Variants in GNL3L observed in about 807,000 individuals in gnomAD.
GNL3L encodes the protein G protein nucleolar 3 like.
GNL3L carries 4 observed loss-of-function variants against 42.9 expected under a neutral mutation model. The ratio of observed to expected loss-of-function variants is 0.09; its 90% CI spans 0.05 to 0.21. The LOEUF is 0.21. Among genes scored for constraint, GNL3L ranks in the 10% least tolerant of loss-of-function variants. GNL3L has a pLI of 1.00. For synonymous variants in GNL3L, 159 were observed against 176.3 expected (o/e 0.90, Z 0.78); for missense variants, 412 against 481.7 (o/e 0.86, Z 1.36).
rs1219995255 is a variant in GNL3L at position 54,561,310 on chromosome X, T to C, written c.*708T>C. On this transcript the variant is annotated 3_prime_UTR_variant, in exon 16 of 16. Coordinates refer to ENST00000360845, the MANE Select transcript of GNL3L (RefSeq NM_001184819.2). ...GGGGGTCCCTGCGGGAGGGTGATGG[T>C]TTCTTTACCACCCCACAGGAGATTT... Among the ~76,000 whole-genome samples the C allele has an allele frequency of 9.0e-6, 1 of 111,388 alleles. No homozygotes were observed. The highest frequency in any genetic ancestry group is 1.9e-5 in the Non-Finnish European group (1 of 53,049).
intron 14 of GNL3L, 46 bp from the exon 15 acceptor site, chrX:54,558,390 C>T: frequency 2.1e-6 from 2 of 942,926 alleles, no homozygotes; most frequent in Non-Finnish European, 3.1e-6. Flanking sequence ...TTTGGAGGTT[C>T]TCTGGGGGTT....
intron 16 of GNL3L, among the ~76,000 whole-genome samples, chrX:54,613,848 T>C (rs1240678720): frequency 1.8e-5 from 2 of 110,392 alleles, no homozygotes; most frequent in Non-Finnish European, 3.8e-5. Flanking sequence ...CAATAGATTC[T>C]GTGAGGATTC....
At position 54,552,320 on chromosome X, in the gene GNL3L, CCAG is replaced by C; in HGVS notation, c.1212_1214del (p.Ala405del). On this transcript the variant is annotated inframe_deletion, in exon 13 of 16. Coordinates refer to ENST00000360845, the MANE Select transcript of GNL3L (RefSeq NM_001184819.2). ...GAAGATCAGCTTCTATATACCACCA[CCAG>C]CCACTCACACTCTGCCCACCCATCT... 1 of 1,207,641 alleles carries C rather than the reference CCAG, an allele frequency of 8.3e-7. No homozygotes were observed.
At chrX:54,575,690 C>T (rs1228718672) in intron 16 of GNL3L, among the ~76,000 whole-genome samples, 4 of 111,453 alleles carry the variant, frequency 3.6e-5, no homozygotes, top group South Asian at 3.8e-4. Context: ...GCTGAGATCT[C>T]GCCACTGCAC....
chrX:54,543,147 C>T, intron 6 of GNL3L, 60 bp from the exon 7 acceptor site: 2 of 1,153,264 alleles, frequency 1.7e-6, no homozygotes, highest in Non-Finnish European at 2.4e-6. Flanking sequence ...GTTTCACAGG[C>T]CTGCATCACT....
intron 16 of GNL3L, among the ~76,000 whole-genome samples, chrX:54,589,562 G>T (rs1925838902): frequency 8.9e-6 from 1 of 111,747 alleles, no homozygotes; most frequent in African/African-American, 3.3e-5. Flanking sequence ...TGTTGCAAAT[G>T]ACTGGATCTC....
intron 16 of GNL3L, among the ~76,000 whole-genome samples, chrX:54,588,730 C>G (rs1420470811): frequency 1.8e-5 from 2 of 111,490 alleles, no homozygotes; most frequent in Non-Finnish European, 3.8e-5. Context: ...GAGGCTGAGG[C>G]AGGAGAATCA....
chrX:54,607,086 T>TC, intron 16 of GNL3L, among the ~76,000 whole-genome samples: 1 of 52,406 alleles, frequency 1.9e-5, no homozygotes, highest in African/African-American at 9.1e-5. Context: ...TTCTTTCTTC[T>TC]TTCTTTCTTT....
In GNL3L at chrX:54,539,034, T is replaced by A. The variant is rs1202094999; in HGVS notation, c.20-6T>A. The A allele has an allele frequency of 2.7e-6, 3 of 1,102,816 alleles. No homozygotes were observed. The highest frequency in any genetic ancestry group is 3.7e-6 in the Non-Finnish European group (3 of 810,384). The allele number at this position is 1,102,816 out of a possible 1,213,427, so 90.9% of individuals were successfully genotyped here. A position where few individuals can be genotyped will look rare whatever the true frequency, so the allele number is the denominator to read the frequency against. ...GGCTCTTTTCTTTCTTTTTTTTCTT[T>A]TGTAGAAAATAAAAAGCCAGGTGAA... On this transcript the variant is annotated splice_polypyrimidine_tract_variant and splice_region_variant and intron_variant, in intron 2 of 15. Coordinates refer to ENST00000360845, the MANE Select transcript of GNL3L (RefSeq NM_001184819.2).
intron 16 of GNL3L, among the ~76,000 whole-genome samples, chrX:54,582,621 C>T (rs907866740): frequency 2.7e-5 from 3 of 112,411 alleles, no homozygotes; most frequent in Non-Finnish European, 5.6e-5. Context: ...CTTACTCTGT[C>T]ACCCAGGCTG....
intron 16 of GNL3L, among the ~76,000 whole-genome samples, chrX:54,575,707 C>G (rs1264904698): frequency 9.0e-6 from 1 of 110,876 alleles, no homozygotes; most frequent in African/African-American, 3.3e-5. Flanking sequence ...GCACTCCAGC[C>G]TGGGTGACAG....
At chrX:54,545,401 T>A (rs1430545935) in intron 8 of GNL3L, among the ~76,000 whole-genome samples, 2 of 109,722 alleles carry the variant, frequency 1.8e-5, no homozygotes, top group African/African-American at 6.6e-5. Flanking sequence ...AGATAGGGTT[T>A]CACCATGTTG....
At chrX:54,559,649 T>C (rs1445563840) in intron 15 of GNL3L, among the ~76,000 whole-genome samples, 1 of 111,929 alleles carries the variant, frequency 8.9e-6, no homozygotes, top group Non-Finnish European at 1.9e-5. Context: ...TGCTGTACTT[T>C]TCACTAACTC....
At chrX:54,584,081 A>ATTT (rs36085364) in intron 16 of GNL3L, among the ~76,000 whole-genome samples, 2 of 94,668 alleles carry the variant, frequency 2.1e-5, no homozygotes, top group Non-Finnish European at 2.1e-5. Context: ...TCTTCTAATG[A>ATTT]TTTTTTTTTT....
chrX:54,530,674 G>A (rs1227917327), intron 1 of GNL3L, among the ~76,000 whole-genome samples: 2 of 111,882 alleles, frequency 1.8e-5, no homozygotes, highest in Admixed American at 1.9e-4. Context: ...ATAGACAGGA[G>A]TCGACCCACC....
chrX:54,626,488 T>G (rs1265712064), downstream of GNL3L, among the ~76,000 whole-genome samples: 2 of 111,890 alleles, frequency 1.8e-5, no homozygotes, highest in African/African-American at 6.5e-5. Context: ...GCAATAAACA[T>G]AGGGGTGCAG....
At chrX:54,568,592 C>T (rs1437259305), downstream of GNL3L, among the ~76,000 whole-genome samples, 1 of 106,749 alleles carries the variant, frequency 9.4e-6, no homozygotes, top group African/African-American at 3.4e-5. Context: ...CACACACTGT[C>T]GCCCAGGCTG....
chrX:54,576,542 G>C (rs1026092012), intron 16 of GNL3L, among the ~76,000 whole-genome samples: 3 of 110,855 alleles, frequency 2.7e-5, no homozygotes, highest in Admixed American at 9.7e-5. Context: ...TTCAGTGACA[G>C]GATCTTGGCT....
chrX:54,531,098 TTTTCGAAG>T (rs1924230923), intron 1 of GNL3L, among the ~76,000 whole-genome samples: 1 of 111,287 alleles, frequency 9.0e-6, no homozygotes, highest in Non-Finnish European at 1.9e-5. Flanking sequence ...AATGTGTAAT[TTTTCGAAG>T]CACCCAACAT....
Sources: allele counts gnomAD v4.1 joint callset (sites outside exome capture counted in the v4.1 genomes callset), GRCh38; gene constraint gnomAD v4.1.1; transcripts MANE v1.5; gene names NCBI Gene and HGNC (gene_info 2026-07-23, HGNC 2026-07-21).